The following TENM4 variants were observed in gnomAD, a reference collection of about 807,000 sequenced individuals.
The protein encoded by TENM4 is teneurin transmembrane protein 4.
Under a neutral mutation model 243.3 loss-of-function variants are expected in TENM4, and 82 were observed. That is an observed-to-expected ratio of 0.34 (90% CI 0.28 to 0.40). The LOEUF is 0.40. TENM4 is among the 10% of genes least tolerant of loss of function. The probability of loss-of-function intolerance (pLI) is 1.00; values close to 1 mark genes in which losing one functional copy is unlikely to be tolerated. For missense variants in TENM4, 3,138 were observed against 3,673.3 expected, an observed-to-expected ratio of 0.85 and a Z score of 3.77; for synonymous variants, 1,412 against 1,456.3, an observed-to-expected ratio of 0.97 and a Z score of 0.69.
chr11:79,122,025 A>G (rs1370148170), intron 4 of TENM4, among the ~76,000 whole-genome samples: 1 of 152,200 alleles, frequency 6.6e-6, no homozygotes, highest in Non-Finnish European at 1.5e-5. Flanking sequence ...CCACCGCTCA[A>G]GAAAAATACT....
At chr11:78,772,755 A>G (rs1856667558) in intron 17 of TENM4, among the ~76,000 whole-genome samples, 2 of 152,248 alleles carry the variant, frequency 1.3e-5, no homozygotes, top group Admixed American at 6.5e-5. Flanking sequence ...GATGTTCCAC[A>G]CAACAACCAA....
chr11:79,301,283 C>T (rs751596915), intron 1 of TENM4, among the ~76,000 whole-genome samples: 21 of 152,190 alleles, frequency 1.4e-4, no homozygotes, highest in Non-Finnish European at 5.9e-5. Context: ...GGCTTCTGTA[C>T]TGCTCGGGTA....
At chr11:78,853,351 A>G (rs1243072643) in intron 12 of TENM4, among the ~76,000 whole-genome samples, 1 of 152,202 alleles carries the variant, frequency 6.6e-6, no homozygotes, top group Admixed American at 6.5e-5. Flanking sequence ...GCAGTCTAAG[A>G]AGCAGACACA....
chr11:78,973,750 GT>G (rs200177652), intron 6 of TENM4, among the ~76,000 whole-genome samples: 1 of 150,412 alleles, frequency 6.6e-6, no homozygotes, highest in East Asian at 2.0e-4. Context: ...AGTAATTGTG[GT>G]TTTTGCCATT....
At chr11:78,860,379 G>T (rs145834975) in intron 10 of TENM4, among the ~76,000 whole-genome samples, 2 of 152,304 alleles carry the variant, frequency 1.3e-5, no homozygotes, top group East Asian at 3.9e-4. Flanking sequence ...CCAATATAAA[G>T]CAGGGTCAGG....
At chr11:79,358,740 C>T in intron 1 of TENM4, among the ~76,000 whole-genome samples, 1 of 14,308 alleles carries the variant, frequency 7.0e-5, no homozygotes, top group Non-Finnish European at 1.1e-4. Flanking sequence ...CTTCCCTCTT[C>T]CTTTCCTTTC....
chr11:78,728,567 T>C (rs1431518460), intron 22 of TENM4, among the ~76,000 whole-genome samples: 1 of 147,302 alleles, frequency 6.8e-6, no homozygotes, highest in Non-Finnish European at 1.5e-5. Flanking sequence ...TTCCCTCCCT[T>C]CCTTCCCCAC....
At chr11:78,896,563 A>G (rs1049435966) in intron 7 of TENM4, among the ~76,000 whole-genome samples, 3 of 151,802 alleles carry the variant, frequency 2.0e-5, no homozygotes, top group Non-Finnish European at 2.9e-5. Flanking sequence ...TCTCCATTTA[A>G]TCTCATCCTC....
At chr11:79,336,501 G>T (rs964410979) in intron 1 of TENM4, among the ~76,000 whole-genome samples, 1 of 152,206 alleles carries the variant, frequency 6.6e-6, no homozygotes, top group African/African-American at 2.4e-5. Flanking sequence ...TAGGTGTTCA[G>T]AAAGAATCGG....
At chr11:78,917,946 A>C (rs584431) in intron 6 of TENM4, among the ~76,000 whole-genome samples, 79,927 of 152,114 alleles carry the variant, frequency 0.53, 24,386 homozygotes, top group East Asian at 0.78. Context: ...GTAAAGTGCT[A>C]AGAACACGCA....
chr11:78,677,778 T>C (rs1432707194), intron 29 of TENM4, among the ~76,000 whole-genome samples: 2 of 151,938 alleles, frequency 1.3e-5, no homozygotes, highest in Admixed American at 6.6e-5. Context: ...TAGATTCTTT[T>C]TTTTTTTATT....
At chr11:78,841,742 T>C (rs763702239) in intron 12 of TENM4, among the ~76,000 whole-genome samples, 5 of 151,902 alleles carry the variant, frequency 3.3e-5, no homozygotes, top group African/African-American at 7.3e-5. Flanking sequence ...TGCCTCCTCC[T>C]CAGGTTACTC....
intron 6 of TENM4, among the ~76,000 whole-genome samples, chr11:79,024,049 T>G (rs1317134373): frequency 1.3e-5 from 2 of 152,254 alleles, no homozygotes; most frequent in East Asian, 1.9e-4. Flanking sequence ...CAACCTGATC[T>G]ATGAGGTTTG....
rs371595061 is a variant in TENM4 at position 78,786,886 on chromosome 11, G to A, written c.2365+12C>T. ...ACCAGAGAAGGTACCCGGGGACCTC[G>A]GCCCGCCATACCGATGGTGCAGTGT... is the stretch of plus-strand genomic sequence containing the variant. On this transcript the variant is annotated intron_variant, in intron 16 of 33. Coordinates refer to ENST00000278550, the MANE Select transcript of TENM4 (RefSeq NM_001098816.3). 1.6e-3 allele frequency: 2,577 copies of A among 1,590,818 alleles called. 5 individuals are homozygous for A. The highest frequency in any genetic ancestry group is 1.7e-3 in the Non-Finnish European group (1,935 of 1,169,870).
At chr11:79,309,649 C>T (rs139975664) in intron 1 of TENM4, among the ~76,000 whole-genome samples, 7 of 152,282 alleles carry the variant, frequency 4.6e-5, no homozygotes, top group African/African-American at 1.2e-4. Context: ...AGATCCAAGT[C>T]GGCTTCATAC....
At chr11:78,977,159 C>T (rs1857679774) in intron 6 of TENM4, among the ~76,000 whole-genome samples, 1 of 152,212 alleles carries the variant, frequency 6.6e-6, no homozygotes, top group Non-Finnish European at 1.5e-5. Context: ...TGCATCACTC[C>T]AGTTTCTGCC....
chr11:79,408,780 G>C (rs534848648), intron 1 of TENM4, among the ~76,000 whole-genome samples: 2 of 152,170 alleles, frequency 1.3e-5, no homozygotes, highest in Non-Finnish European at 2.9e-5. Context: ...GGCATATGCA[G>C]TGGAAACCCA....
At chr11:79,005,729 T>A (rs1858464125) in intron 6 of TENM4, among the ~76,000 whole-genome samples, 1 of 152,154 alleles carries the variant, frequency 6.6e-6, no homozygotes, top group Non-Finnish European at 1.5e-5. Flanking sequence ...AACACAGTTC[T>A]TGAAGTCCTA....
At chr11:79,390,401 A>G (rs980609967) in intron 1 of TENM4, among the ~76,000 whole-genome samples, 1 of 152,240 alleles carries the variant, frequency 6.6e-6, no homozygotes, top group Non-Finnish European at 1.5e-5. Flanking sequence ...GTACTTGGAT[A>G]TAGTTCCCTT....
Sources: gnomAD v4.1 joint callset for allele counts (sites outside exome capture counted in the v4.1 genomes callset) on GRCh38, gnomAD v4.1.1 for gene constraint, MANE v1.5 for transcripts, NCBI Gene and HGNC (gene_info 2026-07-23, HGNC 2026-07-21) for gene names.